Variants in PHC2 observed in about 807,000 individuals in gnomAD.
PHC2 encodes polyhomeotic-like protein 2.
In PHC2, 29 loss-of-function variants were observed where a neutral mutation model predicts 87.4. The observed-to-expected ratio is 0.33, with a 90% confidence interval of 0.25 to 0.45. The LOEUF is 0.45. PHC2 is among the 20% of genes least tolerant of loss of function. The probability of loss-of-function intolerance (pLI) is 1.00; values close to 1 mark genes in which losing one functional copy is unlikely to be tolerated. For synonymous variants in PHC2, 438 were observed against 461.7 expected, an observed-to-expected ratio of 0.95 and a Z score of 0.66; for missense variants, 857 against 1,136.7, an observed-to-expected ratio of 0.75 and a Z score of 3.54.
At chr1:33,414,533 A>G (rs980920635) in intron 1 of PHC2, among the ~76,000 whole-genome samples, 6 of 152,228 alleles carry the variant, frequency 3.9e-5, no homozygotes, top group Admixed American at 3.9e-4. Flanking sequence ...TTAAATAGAC[A>G]GTAGGGCAGT....
intron 1 of PHC2, among the ~76,000 whole-genome samples, chr1:33,419,127 C>T (rs912472529): frequency 1.3e-5 from 2 of 152,230 alleles, no homozygotes; most frequent in Non-Finnish European, 2.9e-5. Context: ...AAATACATTT[C>T]AAATGCTTAC....
intron 7 of PHC2, among the ~76,000 whole-genome samples, chr1:33,357,353 G>A (rs528496461): frequency 1.3e-5 from 2 of 152,312 alleles, no homozygotes; most frequent in South Asian, 4.1e-4. Context: ...CTGTTCACAT[G>A]CAAGTTTTGA....
In PHC2 at chr1:33,334,455, GCA is replaced by G. The variant is rs1646580389; in HGVS notation, c.1559-165_1559-164del. 1.3e-5 allele frequency among the ~76,000 whole-genome samples: 2 copies of G among 152,164 alleles called. No individual in the cohort carries two copies. Among genetic ancestry groups the G allele is most frequent in the African/African-American group, 4.8e-5 (2 of 41,414 alleles). ...CCCCTCAGTGACCCATTTAAAAGTG[GCA>G]CAGTTTCAATGGACACATCACCAAG... On this transcript the variant is annotated intron_variant, in intron 9 of 14. Coordinates refer to ENST00000683057, the MANE Select transcript of PHC2 (RefSeq NM_001385109.1). The surrounding 1 kb of genome is among the most constrained non-coding windows in gnomAD (Gnocchi z 5.5).
At position 33,331,853 on chromosome 1, in the gene PHC2, T is replaced by C. The variant is rs1315211297; in HGVS notation, c.1892-391A>G. 6.6e-6 allele frequency among the ~76,000 whole-genome samples: 1 copy of C among 152,230 alleles called. No individual in the cohort carries two copies. Among genetic ancestry groups the C allele is most frequent in the African/African-American group, 2.4e-5 (1 of 41,466 alleles). ...CTGGCTGCTGACCCAGTAAAAGACC[T>C]CAGGAGCCCACGCTCCTGCAGCTGT... is the stretch of plus-strand genomic sequence containing the variant. On this transcript the variant is annotated intron_variant, in intron 11 of 14. Transcript: ENST00000683057. The surrounding 1 kb of genome is among the most constrained non-coding windows in gnomAD (Gnocchi z 5.2).
At chr1:33,388,667 C>T (rs533737781) in intron 1 of PHC2, among the ~76,000 whole-genome samples, 1 of 152,058 alleles carries the variant, frequency 6.6e-6, no homozygotes, top group Non-Finnish European at 1.5e-5. Flanking sequence ...TAAGAAAATG[C>T]AAGCACCTAA....
At chr1:33,402,221 T>A (rs1276517507) in intron 1 of PHC2, among the ~76,000 whole-genome samples, 1 of 152,020 alleles carries the variant, frequency 6.6e-6, no homozygotes, top group Non-Finnish European at 1.5e-5. Context: ...AAATGCAAAT[T>A]AAAACTACAA....
At position 33,335,972 on chromosome 1, in the gene PHC2, G is replaced by GTTT. The variant is rs1324322649; in HGVS notation, c.1559-1683_1559-1681dup. Among the ~76,000 whole-genome samples the GTTT allele has an allele frequency of 6.5e-5, 8 of 123,472 alleles. No individual in the cohort carries two copies. The East Asian group carries it at 8.2e-4, about 13-fold the overall frequency. The allele number at this position is 123,472 out of a possible 152,430, so 81.0% of individuals were successfully genotyped here. A position where few individuals can be genotyped will look rare whatever the true frequency, so the allele number is the denominator to read the frequency against. On this transcript the variant is annotated intron_variant, in intron 9 of 14. Coordinates refer to ENST00000683057, the MANE Select transcript of PHC2 (RefSeq NM_001385109.1). ...TGGGTCTTGGTCCACTCAAGCTCAT[G>GTTT]TTTTTGTTGTTGTTGTTGTTGTTGT...
At chr1:33,419,027 T>A (rs2148402062) in intron 1 of PHC2, among the ~76,000 whole-genome samples, 1 of 152,342 alleles carries the variant, frequency 6.6e-6, no homozygotes, top group South Asian at 2.1e-4. Flanking sequence ...ACTAACTGCA[T>A]CACTTTGGCC....
In PHC2 at chr1:33,324,585, GC is replaced by G. The variant is rs1414981600; in HGVS notation, c.*279del. ...TGGGGGACAGAAAGAGGGGAAGAGA[GC>G]GGGGCTAGAGTATTGGGACTTTGGA... On this transcript the variant is annotated 3_prime_UTR_variant, in exon 15 of 15. Transcript: ENST00000683057. 1.3e-5 allele frequency: 4 copies of G among 311,566 alleles called. No individual in the cohort carries two copies. Among genetic ancestry groups the G allele is most frequent in the African/African-American group, 8.5e-5 (4 of 46,874 alleles). The allele number at this position is 311,566 out of a possible 1,614,324, so 19.3% of individuals were successfully genotyped here.
chr1:33,407,042 A>G (rs1649792784), intron 1 of PHC2, among the ~76,000 whole-genome samples: 1 of 152,104 alleles, frequency 6.6e-6, no homozygotes, highest in Admixed American at 6.5e-5. Context: ...GCTGTATATG[A>G]TCTACTGATT....
At chr1:33,386,537 T>C (rs1053229430) in intron 1 of PHC2, among the ~76,000 whole-genome samples, 2 of 151,478 alleles carry the variant, frequency 1.3e-5, no homozygotes, top group African/African-American at 4.9e-5. Context: ...AAGATCCCTA[T>C]AAAAATCTTT....
At chr1:33,426,429 A>T (rs1218195509) in intron 1 of PHC2, among the ~76,000 whole-genome samples, 1 of 152,176 alleles carries the variant, frequency 6.6e-6, no homozygotes, top group Non-Finnish European at 1.5e-5. Context: ...TTTCTGTTTC[A>T]GTACGTTGAA....
At chr1:33,429,134 A>G (rs1385574250) in intron 1 of PHC2, among the ~76,000 whole-genome samples, 1 of 152,204 alleles carries the variant, frequency 6.6e-6, no homozygotes, top group Non-Finnish European at 1.5e-5. Context: ...CATTATGCCC[A>G]GTTTCAGGCC....
At chr1:33,385,459 C>A (rs535141294) in intron 1 of PHC2, among the ~76,000 whole-genome samples, 1 of 152,330 alleles carries the variant, frequency 6.6e-6, no homozygotes, top group South Asian at 2.1e-4. Context: ...TGTTACGTAA[C>A]CTTTCTGCGC....
In PHC2 at chr1:33,354,908, G is replaced by A; in HGVS notation, c.1322C>T (p.Pro441Leu). The A allele has an allele frequency of 6.2e-7, 1 of 1,614,194 alleles. No homozygotes were observed. Among genetic ancestry groups the A allele is most frequent in the African/African-American group, 1.3e-5 (1 of 75,068 alleles). ...GPQNGHPEGV[P>L]HTPQRRFQHT... ...CTGGAACCTGCGTTGAGGGGTGTGG[G>A]GCACGCCCTCGGGATGTCCATTCTG... The change falls in exon 8 of 15, where the codon CCC becomes CTC. Residue 441 changes from proline to leucine, a missense_variant. Physicochemically the swap from Pro to Leu is moderately conservative, Grantham distance 98. Transcript: ENST00000683057.
chr1:33,386,529 G>A (rs1648763335), intron 1 of PHC2, among the ~76,000 whole-genome samples: 1 of 151,520 alleles, frequency 6.6e-6, no homozygotes, highest in African/African-American at 2.4e-5. Context: ...AAAAAAAAAA[G>A]ATCCCTATAA....
rs1283240332 is a variant in PHC2 at position 33,355,251 on chromosome 1, A to G, written c.979T>C (p.Tyr327His). Residue 327 changes from tyrosine to histidine, a missense_variant and splice_region_variant, in exon 8 of 15, where the codon TAT (tyrosine) becomes CAT (histidine). Around this residue, in one of 3 missense-constraint regions of PHC2, gnomAD observed 832 missense variants for 1,081.8 expected, o/e 0.77. Transcript: ENST00000683057. The stretch of plus-strand genomic sequence containing the variant: ...AGCTGGTGTGGCTGCAGCTGAGCAT[A>G]GGCTGAAAGGGGAAAGGCCAGGTTA... ...VAAHPLIAPA[Y>H]AQLQPHQLLP... The G allele has an allele frequency of 6.4e-7, 1 of 1,562,820 alleles. No individual in the cohort carries two copies. Among genetic ancestry groups the G allele is most frequent in the Non-Finnish European group, 8.7e-7 (1 of 1,151,790 alleles).
chr1:33,410,310 T>C (rs1164263305), intron 1 of PHC2, among the ~76,000 whole-genome samples: 1 of 152,234 alleles, frequency 6.6e-6, no homozygotes, highest in African/African-American at 2.4e-5. Flanking sequence ...TCTTTGTGAA[T>C]GACTCTCTCA....
At position 33,355,249 on chromosome 1, in the gene PHC2, A is replaced by G. The variant is rs763734083; in HGVS notation, c.981T>C (p.Tyr327=). ...GGAGCTGGTGTGGCTGCAGCTGAGC[A>G]TAGGCTGAAAGGGGAAAGGCCAGGT... The part of the protein sequence containing the change: ...VAAHPLIAPA[Y]AQLQPHQLLP... The change falls in exon 8 of 15, where the codon TAT becomes TAC. Residue 327 remains tyrosine (Y), a synonymous_variant. Transcript: ENST00000683057. 48 of 1,566,572 alleles carry G rather than the reference A, an allele frequency of 3.1e-5. No individual in the cohort carries two copies. Among genetic ancestry groups the G allele is most frequent in the Admixed American group, 1.7e-4 (10 of 57,298 alleles).
Sources: allele counts gnomAD v4.1 joint callset (sites outside exome capture counted in the v4.1 genomes callset), GRCh38; gene constraint gnomAD v4.1.1; regional missense constraint gnomAD v4.1.1; non-coding constraint Gnocchi (gnomAD v3.1); transcripts MANE v1.5; gene names NCBI Gene and HGNC (gene_info 2026-07-23, HGNC 2026-07-21).